The following MYO16 variants were observed in gnomAD, a reference collection of about 807,000 sequenced individuals.
MYO16 encodes myosin XVI, also known as unconventional myosin-XVI.
MYO16 carries 94 observed loss-of-function variants against 205.3 expected under a neutral mutation model. That is an observed-to-expected ratio of 0.46 (90% CI 0.39 to 0.54). The LOEUF (loss-of-function observed/expected upper bound fraction) is 0.54, where lower values mean the gene tolerates loss of function less well. Ranked by LOEUF, MYO16 falls within the 20% of genes least tolerant of loss-of-function variation. MYO16 has a pLI of 0.00. For missense variants in MYO16, 2,315 were observed against 2,387.5 expected, an observed-to-expected ratio of 0.97 and a Z score of 0.63; for synonymous variants, 988 against 954.0, an observed-to-expected ratio of 1.04 and a Z score of -0.66.
At chr13:108,699,232 A>G (rs1883208464) in intron 2 of MYO16, among the ~76,000 whole-genome samples, 1 of 151,748 alleles carries the variant, frequency 6.6e-6, no homozygotes, top group Admixed American at 6.6e-5. Context: ...ATTTATGTAT[A>G]TATAGTTATT....
the MYO16 span, among the ~76,000 whole-genome samples, chr13:108,511,247 GT>G: frequency 7.2e-6 from 1 of 138,664 alleles, no homozygotes; most frequent in Admixed American, 7.1e-5. Flanking sequence ...TTCTTCGTGT[GT>G]TTTTTGGCTG....
the MYO16 span, among the ~76,000 whole-genome samples, chr13:108,532,196 A>G: frequency 6.6e-6 from 1 of 151,860 alleles, no homozygotes; most frequent in South Asian, 2.1e-4. Context: ...ACAGAGTGAG[A>G]CTCTGTCTCA....
chr13:109,144,364 T>A (rs761968469), intron 32 of MYO16, among the ~76,000 whole-genome samples: 2 of 152,146 alleles, frequency 1.3e-5, no homozygotes, highest in Non-Finnish European at 2.9e-5. Context: ...GTTTACAAGT[T>A]CGGATATCAT....
rs138694436 is a variant in MYO16 at position 109,091,098 on chromosome 13, G to A, written c.3336-9687G>A. On this transcript the variant is annotated intron_variant, in intron 27 of 34. Coordinates refer to ENST00000457511, the MANE Select transcript of MYO16 (RefSeq NM_001198950.3). ...TGCTTTGTGTTTACTGTGAGAGCTGGAATATGAATATAAGTTCATAGAATG... is the reference window on the plus strand; with the variant it reads ...TGCTTTGTGTTTACTGTGAGAGCTGAAATATGAATATAAGTTCATAGAATG... Among the ~76,000 whole-genome samples the A allele has an allele frequency of 1.5e-3, 230 of 152,256 alleles. 2 individuals carry two copies. The highest frequency in any genetic ancestry group is 4.2e-3 in the African/African-American group (174 of 41,544).
At chr13:108,936,201 G>T (rs975228183) in intron 16 of MYO16, among the ~76,000 whole-genome samples, 5 of 143,136 alleles carry the variant, frequency 3.5e-5, no homozygotes, top group African/African-American at 5.2e-5. Flanking sequence ...TTCTGTCTTT[G>T]CCAGCTTTTG....
chr13:108,627,395 G>A (rs1879784765), upstream of MYO16, among the ~76,000 whole-genome samples: 1 of 152,094 alleles, frequency 6.6e-6, no homozygotes, highest in Non-Finnish European at 1.5e-5. Context: ...TCCTCAAAGT[G>A]GATTAGATGT....
the MYO16 span, among the ~76,000 whole-genome samples, chr13:108,515,925 TTTTG>T: frequency 3.0e-5 from 3 of 101,508 alleles, no homozygotes; most frequent in Non-Finnish European, 6.2e-5. Flanking sequence ...ACTGCTGTCT[TTTTG>T]TTTGTCTGTG....
intron 11 of MYO16, among the ~76,000 whole-genome samples, chr13:108,856,018 G>A (rs1451620139): frequency 6.6e-6 from 1 of 152,218 alleles, no homozygotes; most frequent in African/African-American, 2.4e-5. Flanking sequence ...ACCAGGAAAT[G>A]TCTTTGTAAA....
intron 4 of MYO16, among the ~76,000 whole-genome samples, chr13:108,742,918 C>T (rs1469126467): frequency 6.6e-6 from 1 of 152,162 alleles, no homozygotes; most frequent in African/African-American, 2.4e-5. Context: ...AATAGCACTG[C>T]TCAATTCTCA....
In MYO16 at chr13:109,165,001, G is replaced by A. The variant is rs758346780; in HGVS notation, c.5265G>A (p.Gln1755=). ...QDRNANNHGI[Q]LSNSLSSAIT... is the part of the protein sequence containing the mutation. ...GAAATGCAAATAACCATGGAATTCA[G>A]TTATCTAATTCACTATCTAGTGCTA... Residue 1755 remains glutamine (Q), a synonymous_variant, in exon 33 of 35, where the codon CAG becomes CAA. Transcript: ENST00000457511. The A allele has an allele frequency of 6.2e-7, 1 of 1,604,500 alleles. No individual in the cohort carries two copies. The highest frequency in any genetic ancestry group is 8.5e-7 in the Non-Finnish European group (1 of 1,175,352).
At chr13:108,999,063 T>C (rs987352032) in intron 21 of MYO16, among the ~76,000 whole-genome samples, 4 of 152,044 alleles carry the variant, frequency 2.6e-5, no homozygotes, top group Non-Finnish European at 5.9e-5. Context: ...AAGGACCAGT[T>C]TTAATTGGAC....
intron 27 of MYO16, among the ~76,000 whole-genome samples, chr13:109,083,521 G>A (rs4773022): frequency 0.57 from 85,479 of 150,532 alleles, 24,347 homozygotes; most frequent in Non-Finnish European, 0.6. Flanking sequence ...GTAGAAGAAA[G>A]ATGATATAGA....
chr13:109,012,300 A>C (rs1885628961), intron 22 of MYO16, among the ~76,000 whole-genome samples: 1 of 152,166 alleles, frequency 6.6e-6, no homozygotes. Context: ...GGTGAGCAGC[A>C]GGTGAGGGAG....
chr13:108,596,753 T>G (rs1281745915), intron 1 of MYO16, among the ~76,000 whole-genome samples: 1 of 152,208 alleles, frequency 6.6e-6, no homozygotes, highest in Non-Finnish European at 1.5e-5. Context: ...TATGTCATAT[T>G]TTCACAAAAC....
rs535974977 is a variant in MYO16 at position 108,844,341 on chromosome 13, A to G, written c.1098-2A>G. On this transcript the variant is annotated splice_acceptor_variant, in intron 9 of 34. Coordinates refer to ENST00000457511, the MANE Select transcript of MYO16 (RefSeq NM_001198950.3). LOFTEE classifies it high-confidence loss of function. ...TTGTAGTATTGATTTTTTTTCCTGT[A>G]GCAGTCCCCTGGTGTTACCAATTGC... 6 of 1,603,850 alleles carry G rather than the reference A, an allele frequency of 3.7e-6. No homozygotes were observed. In the African/African-American group the frequency reaches 5.4e-5, roughly 14 times the overall value.
chr13:108,728,477 G>A (rs553725509), intron 4 of MYO16, among the ~76,000 whole-genome samples: 58 of 152,226 alleles, frequency 3.8e-4, no homozygotes, highest in African/African-American at 1.3e-3. Flanking sequence ...GCACCCTTGC[G>A]GAGGTTAGGA....
At chr13:108,627,915 G>T (rs759954150), upstream of MYO16, among the ~76,000 whole-genome samples, 2 of 152,012 alleles carry the variant, frequency 1.3e-5, no homozygotes, top group African/African-American at 2.4e-5. Flanking sequence ...CTATTTATCC[G>T]GCATTGTATT....
intron 27 of MYO16, among the ~76,000 whole-genome samples, chr13:109,095,670 A>T (rs528401820): frequency 6.6e-6 from 1 of 152,220 alleles, no homozygotes; most frequent in Admixed American, 6.5e-5. Context: ...GAATTATATC[A>T]ATTAAATTCT....
At chr13:108,735,864 GGTT>G (rs1307610636) in intron 4 of MYO16, among the ~76,000 whole-genome samples, 3 of 151,994 alleles carry the variant, frequency 2.0e-5, no homozygotes, top group Non-Finnish European at 4.4e-5. Flanking sequence ...ATCTCATTGT[GGTT>G]TTGATTTGCA....
Sources: allele counts gnomAD v4.1 joint callset (sites outside exome capture counted in the v4.1 genomes callset), GRCh38; gene constraint gnomAD v4.1.1; transcripts MANE v1.5; gene names NCBI Gene and HGNC (gene_info 2026-07-23, HGNC 2026-07-21).